The following PTPN23 variants were observed in gnomAD, a reference collection of about 807,000 sequenced individuals.
The protein encoded by PTPN23 is tyrosine-protein phosphatase non-receptor type 23.
A neutral mutation model predicts 156.3 loss-of-function variants in PTPN23; 72 were observed. That is an observed-to-expected ratio of 0.46 (90% CI 0.38 to 0.56). The LOEUF (loss-of-function observed/expected upper bound fraction) is 0.56. PTPN23 is among the 20% of genes least tolerant of loss of function. The probability of loss-of-function intolerance (pLI) is 0.00; values close to 1 mark genes in which losing one functional copy is unlikely to be tolerated. For missense variants in PTPN23, 1,974 were observed against 2,171.5 expected (o/e 0.91, Z 1.81); for synonymous variants, 957 against 899.6 (o/e 1.06, Z -1.14).
At chr3:47,386,156 A>G (rs1397985840) in intron 1 of PTPN23, among the ~76,000 whole-genome samples, 1 of 151,938 alleles carries the variant, frequency 6.6e-6, no homozygotes. Context: ...CACAGAGTGC[A>G]CGCTGGTTTT....
chr3:47,399,515 G>A lies in PTPN23; in HGVS notation c.159+3298G>A, dbSNP rs143448285. Among the ~76,000 whole-genome samples the A allele has an allele frequency of 4.1e-3, 617 of 152,256 alleles. 5 individuals are homozygous for A. The highest frequency in any genetic ancestry group is 0.031 in the Middle Eastern group (9 of 294). ...GATAATCTTAGCCCCTGGGGCAACCGTCATTTTGCACACACAGGCACACAC... is the reference window on the plus strand; with the variant it reads ...GATAATCTTAGCCCCTGGGGCAACCATCATTTTGCACACACAGGCACACAC... On this transcript the variant is annotated intron_variant, in intron 2 of 24. Coordinates refer to ENST00000265562, the MANE Select transcript of PTPN23 (RefSeq NM_015466.4).
At chr3:47,408,639 C>A in intron 15 of PTPN23, 137 bp from the exon 16 acceptor site, 1 of 1,411,158 alleles carries the variant, frequency 7.1e-7, no homozygotes, top group South Asian at 1.4e-5. Flanking sequence ...ATCAGCATAC[C>A]TCTTGCACCC....
chr3:47,411,800 C>CT lies in PTPN23; in HGVS notation c.3908dup (p.Thr1305HisfsTer53). 1 of 1,595,314 alleles carries CT rather than the reference C, an allele frequency of 6.3e-7. No individual in the cohort carries two copies. Among genetic ancestry groups the CT allele is most frequent in the Non-Finnish European group, 8.6e-7 (1 of 1,169,364 alleles). ...TCCCTCAGCAAAAAGTGGCACGCTA[C>CT]TTCCCCACCGAGAGGGGCCAGCCCA... On this transcript the variant is annotated frameshift_variant, in exon 21 of 25. Transcript: ENST00000265562. LOFTEE classifies it high-confidence loss of function. The surrounding 1 kb of genome is among the most constrained non-coding windows in gnomAD (Gnocchi z 6.3).
Position 47,405,846 on chromosome 3 carries a change from C to CA in PTPN23, c.414+49dup. The CA allele has an allele frequency of 6.3e-7, 1 of 1,589,416 alleles. No individual in the cohort carries two copies. The highest frequency in any genetic ancestry group is 8.6e-7 in the Non-Finnish European group (1 of 1,166,254). ...AACATGTGGACATACCAGGGAGGGG[C>CA]AGCCTCCCAAGTATGGATGAATCCT... On this transcript the variant is annotated intron_variant, in intron 5 of 24. Coordinates refer to ENST00000265562, the MANE Select transcript of PTPN23 (RefSeq NM_015466.4). The surrounding 1 kb of genome is among the most constrained non-coding windows in gnomAD (Gnocchi z 4.7).
rs1404525722 is a variant in PTPN23, at chr3:47,407,148, G to A, written c.826G>A (p.Ala276Thr). The A allele has an allele frequency of 9.3e-6, 15 of 1,614,046 alleles. No individual in the cohort carries two copies. Among genetic ancestry groups the A allele is most frequent in the East Asian group, 2.2e-5 (1 of 44,868 alleles). The part of the protein sequence containing the change: ...FGERVAYFQS[A>T]LDKLNEAIKL... ...TCCACAGGTTGCATACTTCCAGAGC[G>A]CCCTGGACAAGCTCAATGAAGCCAT... is the stretch of plus-strand genomic sequence containing the variant. Residue 276 changes from alanine (A) to threonine (T), a missense_variant, in exon 10 of 25, where the codon GCC becomes ACC. By Grantham distance (58) the Ala-to-Thr change is moderately conservative. Transcript: ENST00000265562. The surrounding 1 kb of genome is among the most constrained non-coding windows in gnomAD (Gnocchi z 4.0).
chr3:47,393,831 A>G (rs1704823806), intron 1 of PTPN23, among the ~76,000 whole-genome samples: 3 of 151,408 alleles, frequency 2.0e-5, no homozygotes, highest in Admixed American at 6.6e-5. Context: ...CACAGCCTCA[A>G]CCTCCCAGGC....
chr3:47,401,603 C>T, intron 2 of PTPN23, among the ~76,000 whole-genome samples: 1 of 152,204 alleles, frequency 6.6e-6, no homozygotes, highest in East Asian at 1.9e-4. Flanking sequence ...GCTGTTATTG[C>T]TTAGGATGTG....
intron 1 of PTPN23, 148 bp downstream of exon 1, chr3:47,381,328 C>T (rs1704533115): frequency 1.7e-5 from 20 of 1,151,010 alleles, no homozygotes; most frequent in Non-Finnish European, 2.5e-5. Flanking sequence ...TTTTCCTCAG[C>T]CTGTCCCACA....
intron 2 of PTPN23, among the ~76,000 whole-genome samples, chr3:47,403,653 C>A (rs749907845): frequency 2.6e-5 from 4 of 152,246 alleles, no homozygotes; most frequent in Non-Finnish European, 4.4e-5. Context: ...GTCGGCCTCC[C>A]AAGGAGCTGG....
In PTPN23 at chr3:47,406,926, G is replaced by T. The variant is rs115300982; in HGVS notation, c.807+176G>T. Reference sequence around the variant, plus strand: ...ATCTGTGCAGCCCTCGTCCCTCGGGGTCTGAGGAGGTGGGGCAGGCTCCCT... The same window carrying T: ...ATCTGTGCAGCCCTCGTCCCTCGGGTTCTGAGGAGGTGGGGCAGGCTCCCT... On this transcript the variant is annotated intron_variant, in intron 9 of 24. Coordinates refer to ENST00000265562, the MANE Select transcript of PTPN23 (RefSeq NM_015466.4). This position sits in a 1 kb window ranked among gnomAD's most constrained non-coding sequence, Gnocchi z 5.8. Among the ~76,000 whole-genome samples the T allele has an allele frequency of 1.2e-3, 181 of 152,260 alleles. No homozygotes were observed. The highest frequency in any genetic ancestry group is 4.1e-3 in the African/African-American group (169 of 41,542).
At chr3:47,403,554 G>A (rs1396451698) in intron 2 of PTPN23, among the ~76,000 whole-genome samples, 1 of 151,894 alleles carries the variant, frequency 6.6e-6, no homozygotes, top group Non-Finnish European at 1.5e-5. Flanking sequence ...TGAGAGACAG[G>A]GTCTTGCTTC....
In PTPN23 at chr3:47,398,514, T is replaced by G. The variant is rs367798344; in HGVS notation, c.159+2297T>G. Among the ~76,000 whole-genome samples the G allele has an allele frequency of 1.1e-4, 16 of 152,156 alleles. No individual in the cohort carries two copies. The East Asian group carries it at 2.7e-3, about 26-fold the overall frequency. The stretch of plus-strand genomic sequence containing the variant: ...CTGGGTTTTTTTGTGTGTTTTTGAT[T>G]GTTGTAGGCTACCCCTGTGCCAAGA... On this transcript the variant is annotated intron_variant, in intron 2 of 24. Coordinates refer to ENST00000265562, the MANE Select transcript of PTPN23 (RefSeq NM_015466.4).
rs139131794 is a variant in PTPN23 at position 47,411,255 on chromosome 3, C to T, written c.3457C>T (p.Arg1153Trp). Residue 1153 changes from arginine to tryptophan, a missense_variant, in exon 20 of 25, where the codon CGG becomes TGG. This residue lies in a region of PTPN23 where 731 missense variants were observed against 669.1 expected (regional missense o/e 1.09). Transcript: ENST00000265562. This position sits in a 1 kb window ranked among gnomAD's most constrained non-coding sequence, Gnocchi z 6.3. ...PTKVDAAEGR[R>W]PQALRLIERD... ...CAAGGTGGATGCAGCTGAGGGTCGT[C>T]GGCCGCAGGCCCTGCGGCTGATTGA... 8.1e-6 allele frequency: 13 copies of T among 1,609,006 alleles called. No homozygotes were observed. In the African/African-American group the frequency reaches 9.3e-5, roughly 12 times the overall value.
At position 47,412,431 on chromosome 3, in the gene PTPN23, T is replaced by G. The variant is rs1430428775; in HGVS notation, c.4317+10T>G. 1 of 1,612,542 alleles carries G rather than the reference T, an allele frequency of 6.2e-7. No individual in the cohort carries two copies. On this transcript the variant is annotated intron_variant, in intron 23 of 24. Transcript: ENST00000265562. ...CATGCTGCAGGAGAAGGTGAGGATCTGGGCAGATGGGGCTGGGATGGGCCT... is the reference window on the plus strand; with the variant it reads ...CATGCTGCAGGAGAAGGTGAGGATCGGGGCAGATGGGGCTGGGATGGGCCT...
chr3:47,403,211 T>C (rs965645559), intron 2 of PTPN23, among the ~76,000 whole-genome samples: 2 of 151,538 alleles, frequency 1.3e-5, no homozygotes, highest in Non-Finnish European at 3.0e-5. Context: ...TGCCACCACG[T>C]CCGGCTAATT....
In PTPN23 at chr3:47,405,785, G is replaced by A. The variant is rs1464915191; in HGVS notation, c.401G>A (p.Arg134Gln). Residue 134 changes from arginine to glutamine, a missense_variant, in exon 5 of 25, where the codon CGG becomes CAG. By Grantham distance (43) the Arg-to-Gln change is conservative. Around this residue, in one of 4 missense-constraint regions of PTPN23, gnomAD observed 726 missense variants for 929.5 expected, o/e 0.78. Coordinates refer to ENST00000265562, the MANE Select transcript of PTPN23 (RefSeq NM_015466.4). This position sits in a 1 kb window ranked among gnomAD's most constrained non-coding sequence, Gnocchi z 4.7. ...LHSMLGAMDK[R>Q]VSEEGMKVSC... ...TCCATGCTGGGGGCCATGGACAAGC[G>A]GGTGTCTGAGGAGGTGAGGAGAGGG... 1.1e-5 allele frequency: 17 copies of A among 1,592,416 alleles called. No homozygotes were observed. Among genetic ancestry groups the A allele is most frequent in the South Asian group, 4.6e-5 (4 of 87,294 alleles).
chr3:47,409,492 C>T lies in PTPN23; in HGVS notation c.1873C>T (p.Arg625Cys), dbSNP rs143731594. 5.3e-5 allele frequency: 86 copies of T among 1,614,146 alleles called. No individual in the cohort carries two copies. The highest frequency in any genetic ancestry group is 4.4e-4 in the African/African-American group (33 of 75,054). The part of the protein sequence containing the change: ...YLEQNLAAQD[R>C]VLCALTEANV... ...GGAGCAGAACCTGGCCGCCCAGGACCGTGTCCTCTGTGCACTGACAGAGGC... is the reference window on the plus strand; with the variant it reads ...GGAGCAGAACCTGGCCGCCCAGGACTGTGTCCTCTGTGCACTGACAGAGGC... The change falls in exon 18 of 25, where the codon CGT (arginine) becomes TGT (cysteine). Residue 625 changes from arginine to cysteine, a missense_variant. Arg to Cys is a radical substitution (Grantham distance 180). Transcript: ENST00000265562.
At chr3:47,387,392 C>T (rs913582136) in intron 1 of PTPN23, among the ~76,000 whole-genome samples, 2 of 141,508 alleles carry the variant, frequency 1.4e-5, no homozygotes, top group African/African-American at 5.3e-5. Context: ...CAAAGCAAGA[C>T]CCTGTCTCTA....
At position 47,407,870 on chromosome 3, in the gene PTPN23, A is replaced by G. The variant is rs199703515; in HGVS notation, c.1119-20A>G. The stretch of plus-strand genomic sequence containing the variant: ...GTCTTGAGATGTGGGTCTTCAGCAA[A>G]TGCTCTGTCGCTTCTGCAGTGAGGA... On this transcript the variant is annotated intron_variant, in intron 13 of 24. Transcript: ENST00000265562. The surrounding 1 kb of genome is among the most constrained non-coding windows in gnomAD (Gnocchi z 4.0). The G allele has an allele frequency of 1.2e-6, 2 of 1,614,166 alleles. No individual in the cohort carries two copies. Among genetic ancestry groups the G allele is most frequent in the East Asian group, 4.5e-5 (2 of 44,878 alleles).
Sources: gnomAD v4.1 joint callset for allele counts (sites outside exome capture counted in the v4.1 genomes callset) on GRCh38, gnomAD v4.1.1 for gene constraint, gnomAD v4.1.1 regional missense constraint, Gnocchi (gnomAD v3.1) non-coding constraint, MANE v1.5 for transcripts, NCBI Gene and HGNC (gene_info 2026-07-23, HGNC 2026-07-21) for gene names.